Variants in ATAD5 observed in about 807,000 individuals in gnomAD.
ATAD5 encodes ATPase family AAA domain-containing protein 5.
ATAD5 carries 58 observed loss-of-function variants against 176.9 expected under a neutral mutation model. The observed-to-expected ratio is 0.33, with a 90% CI of 0.27 to 0.41. ATAD5 has a LOEUF of 0.41. Ranked by LOEUF, ATAD5 falls within the 10% of genes least tolerant of loss-of-function variation. The pLI, the probability that ATAD5 is intolerant of heterozygous loss-of-function variation, is 1.00. For missense variants in ATAD5, 1,789 were observed against 2,094.1 expected, an observed-to-expected ratio of 0.85 and a Z score of 2.84; for synonymous variants, 640 against 712.6, an observed-to-expected ratio of 0.90 and a Z score of 1.62.
chr17:30,833,818 T>C (rs1241094886), intron 1 of ATAD5, among the ~76,000 whole-genome samples: 1 of 152,156 alleles, frequency 6.6e-6, no homozygotes, highest in Non-Finnish European at 1.5e-5. Flanking sequence ...GTAGCTGGGA[T>C]TACAGGCGTG....
chr17:30,859,487 G>A (rs1907483601), intron 9 of ATAD5, among the ~76,000 whole-genome samples: 1 of 152,122 alleles, frequency 6.6e-6, no homozygotes, highest in Admixed American at 6.6e-5. Context: ...AGCCTGCCTA[G>A]TAGCTGAGAT....
intron 5 of ATAD5, 50 bp downstream of exon 5, chr17:30,844,089 T>G: frequency 1.6e-6 from 2 of 1,286,200 alleles, no homozygotes; most frequent in Non-Finnish European, 2.1e-6. Context: ...GTTTTGGGGT[T>G]TTTGTTTTGT....
At chr17:30,839,399 C>T (rs1461764307) in intron 3 of ATAD5, among the ~76,000 whole-genome samples, 2 of 150,864 alleles carry the variant, frequency 1.3e-5, no homozygotes, top group African/African-American at 2.4e-5. Flanking sequence ...GCCTTAGCCT[C>T]CTGAGTAGCT....
At chr17:30,868,052 T>C (rs1908102347) in intron 11 of ATAD5, among the ~76,000 whole-genome samples, 1 of 152,244 alleles carries the variant, frequency 6.6e-6, no homozygotes, top group South Asian at 2.1e-4. Context: ...CATATAGTCT[T>C]GTATATTTTG....
chr17:30,867,308 G>A (rs1908058442), intron 11 of ATAD5, among the ~76,000 whole-genome samples: 1 of 152,082 alleles, frequency 6.6e-6, no homozygotes, highest in South Asian at 2.1e-4. Context: ...CCTGAGGTGG[G>A]AGGGTCACAT....
rs369237751 is a variant in ATAD5 at position 30,843,553 on chromosome 17, G to A, written c.2242-360G>A. ...CAATCCCAGCTACTTGGGAGGCTGA[G>A]GCAGGAGAATCACTTGAACACGGGA... On this transcript the variant is annotated intron_variant, in intron 4 of 22. Transcript: ENST00000321990. 1.4e-4 allele frequency among the ~76,000 whole-genome samples: 22 copies of A among 152,042 alleles called. No homozygotes were observed. The East Asian group carries it at 1.7e-3, about 12-fold the overall frequency.
intron 3 of ATAD5, among the ~76,000 whole-genome samples, chr17:30,838,552 A>C (rs71372240): frequency 6.6e-6 from 1 of 152,202 alleles, no homozygotes; most frequent in East Asian, 1.9e-4. Context: ...ATACAACTAC[A>C]AGCAGTTAGA....
At chr17:30,867,230 T>A (rs1908051564) in intron 11 of ATAD5, among the ~76,000 whole-genome samples, 2 of 151,614 alleles carry the variant, frequency 1.3e-5, no homozygotes, top group South Asian at 4.2e-4. Context: ...GGAGACCCCA[T>A]CTCTACAAAA....
At chr17:30,875,998 G>T (rs947901969) in intron 14 of ATAD5, among the ~76,000 whole-genome samples, 15 of 151,600 alleles carry the variant, frequency 9.9e-5, no homozygotes, top group Non-Finnish European at 2.1e-4. Flanking sequence ...TTAGCTGGGC[G>T]TGGTGGCGAG....
intron 18 of ATAD5, among the ~76,000 whole-genome samples, chr17:30,884,424 CTTTTTTTTTTT>C (rs61664127): frequency 2.5e-5 from 2 of 80,966 alleles, no homozygotes; most frequent in Admixed American, 1.5e-4. Flanking sequence ...CTTTTCTTTT[CTTTTTTTTTTT>C]TTTTTTTTTT....
intron 4 of ATAD5, among the ~76,000 whole-genome samples, chr17:30,843,155 C>A (rs1906237814): frequency 6.6e-6 from 1 of 151,858 alleles, no homozygotes; most frequent in South Asian, 2.1e-4. Flanking sequence ...AGTTCGAGAC[C>A]AGCCTGGTCA....
At chr17:30,893,148 A>G in intron 20 of ATAD5, 146 bp from the exon 21 acceptor site, 3 of 770,482 alleles carry the variant, frequency 3.9e-6, no homozygotes, top group Non-Finnish European at 3.8e-6. Flanking sequence ...CTATTTTGAT[A>G]TATTAAATAT....
At chr17:30,864,562 C>T (rs1907859939) in intron 10 of ATAD5, 1 of 152,174 alleles carries the variant, frequency 6.6e-6, no homozygotes, top group South Asian at 2.1e-4. Context: ...CAGGGTCACA[C>T]TATGTTGCCC....
chr17:30,886,644 A>G (rs1909341092), intron 18 of ATAD5, among the ~76,000 whole-genome samples: 2 of 151,810 alleles, frequency 1.3e-5, no homozygotes, highest in African/African-American at 4.8e-5. Context: ...ACAGTGGGTC[A>G]TGCCTATAAT....
chr17:30,834,662 A>G lies in ATAD5; in HGVS notation c.581A>G (p.Lys194Arg), dbSNP rs774244442. 6.2e-6 allele frequency: 10 copies of G among 1,610,440 alleles called. No individual in the cohort carries two copies. The highest frequency in any genetic ancestry group is 8.5e-6 in the Non-Finnish European group (10 of 1,179,194). The change falls in exon 2 of 23, where the codon AAA (lysine) becomes AGA (arginine). Residue 194 changes from lysine (K) to arginine (R), a missense_variant. By Grantham distance (26) the Lys-to-Arg change is conservative. Transcript: ENST00000321990. ...SLQNSKKVNP[K>R]QGTTKNDFKK... ...CAAAATTCTAAAAAAGTAAATCCTA[A>G]ACAAGGGACCACAAAAAATGACTTC...
chr17:30,877,474 T>C lies in ATAD5; in HGVS notation c.3843T>C (p.Thr1281=), dbSNP rs776574155. 2 of 1,597,568 alleles carry C rather than the reference T, an allele frequency of 1.3e-6. No homozygotes were observed. Among genetic ancestry groups the C allele is most frequent in the Admixed American group, 1.7e-5 (1 of 58,790 alleles). Residue 1281 remains threonine, a synonymous_variant, in exon 16 of 23, where the codon ACT becomes ACC. Transcript: ENST00000321990. ...QITQTKSTNA[T]NSNVKDVGAE... is the part of the protein sequence containing the mutation. ...CTCAGACTAAATCTACAAATGCAAC[T>C]AATTCAAATGTCAAAGACGTTGGAG... is the stretch of plus-strand genomic sequence containing the variant.
intron 18 of ATAD5, among the ~76,000 whole-genome samples, chr17:30,886,683 A>C: frequency 6.6e-6 from 1 of 151,838 alleles, no homozygotes; most frequent in East Asian, 1.9e-4. Flanking sequence ...TAAGGCAGGA[A>C]GACTGCTTGA....
chr17:30,893,675 G>A lies in ATAD5; in HGVS notation c.4822G>A (p.Asp1608Asn), dbSNP rs758404285. 6.2e-7 allele frequency: 1 copy of A among 1,613,258 alleles called. No homozygotes were observed. The highest frequency in any genetic ancestry group is 8.5e-7 in the Non-Finnish European group (1 of 1,179,740). ...AAATGCAGAAGAAAGCAAAACCGGAGACGAAGAAAGCAAAGCCAGAGACAA... is the reference window on the plus strand; with the variant it reads ...AAATGCAGAAGAAAGCAAAACCGGAAACGAAGAAAGCAAAGCCAGAGACAA... Reference protein sequence around the residue: ...SSNAEESKTGDEESKARDKGN... With the variant: ...SSNAEESKTGNEESKARDKGN... Residue 1608 changes from aspartate (D) to asparagine (N), a missense_variant, in exon 21 of 23, where the codon GAC becomes AAC. By Grantham distance (23) the Asp-to-Asn change is conservative. This residue lies in a region of ATAD5 where 403 missense variants were observed against 495.1 expected (regional missense o/e 0.81). Coordinates refer to ENST00000321990, the MANE Select transcript of ATAD5 (RefSeq NM_024857.5).
intron 18 of ATAD5, 129 bp from the exon 19 acceptor site, chr17:30,887,061 CCT>C: frequency 1.6e-6 from 1 of 641,200 alleles, no homozygotes; most frequent in Middle Eastern, 2.9e-4. Flanking sequence ...GCAGTTTCAT[CCT>C]CAAGAAGAGC....
Sources: allele counts gnomAD v4.1 joint callset (sites outside exome capture counted in the v4.1 genomes callset), GRCh38; gene constraint gnomAD v4.1.1; regional missense constraint gnomAD v4.1.1; transcripts MANE v1.5; gene names NCBI Gene and HGNC (gene_info 2026-07-23, HGNC 2026-07-21).